Variants in NLGN1 observed in about 807,000 individuals in gnomAD.
NLGN1 encodes neuroligin 1, also known as neuroligin-1.
Under a neutral mutation model 65.5 loss-of-function variants are expected in NLGN1, and 12 were observed. The observed-to-expected ratio is 0.18, with a 90% confidence interval of 0.12 to 0.30. NLGN1 has a LOEUF of 0.30. NLGN1 is among the 10% of genes least tolerant of loss of function. The pLI is 1.00. For synonymous variants in NLGN1, 350 were observed against 359.5 expected (o/e 0.97, Z 0.30); for missense variants, 750 against 1,007.1 (o/e 0.74, Z 3.46).
At chr3:173,636,298 GA>G (rs934260996) in intron 3 of NLGN1, among the ~76,000 whole-genome samples, 172 of 145,184 alleles carry the variant, frequency 1.2e-3, no homozygotes, top group South Asian at 1.7e-3. Flanking sequence ...AAAAAGAAAG[GA>G]AAAAAAAAAG....
At chr3:173,942,528 G>T (rs1434335827) in intron 4 of NLGN1, among the ~76,000 whole-genome samples, 1 of 152,148 alleles carries the variant, frequency 6.6e-6, no homozygotes, top group African/African-American at 2.4e-5. Context: ...GCGCCAAAAA[G>T]AGTTGAAAAT....
intron 2 of NLGN1, among the ~76,000 whole-genome samples, chr3:173,485,927 G>A (rs954577773): frequency 6.6e-6 from 1 of 151,672 alleles, no homozygotes; most frequent in African/African-American, 2.4e-5. Context: ...CTTTCTTTAG[G>A]TCTTATCTTT....
rs186312179 is a variant in NLGN1, at chr3:173,800,686, G to T, written c.494-6994G>T. On this transcript the variant is annotated intron_variant, in intron 3 of 6. Transcript: ENST00000457714. ...TCTTTGAACTAACAATCTCTCCCTT[G>T]TAGTCTCTCTGTGCCCATTTTGCAT... 2.9e-3 allele frequency among the ~76,000 whole-genome samples: 437 copies of T among 150,258 alleles called. 2 individuals carry two copies. Among genetic ancestry groups the T allele is most frequent in the African/African-American group, 0.01 (417 of 40,968 alleles).
At chr3:173,896,202 T>TA (rs1352443921) in intron 4 of NLGN1, among the ~76,000 whole-genome samples, 1 of 152,198 alleles carries the variant, frequency 6.6e-6, no homozygotes, top group African/African-American at 2.4e-5. Context: ...ATGATGCTTA[T>TA]AATTGCAACA....
intron 4 of NLGN1, among the ~76,000 whole-genome samples, chr3:174,013,803 A>G (rs1726021361): frequency 6.6e-6 from 1 of 152,142 alleles, no homozygotes; most frequent in South Asian, 2.1e-4. Context: ...CGCAGCCTCA[A>G]CATGCTGGGC....
At chr3:173,431,844 T>C (rs1407077076) in intron 1 of NLGN1, among the ~76,000 whole-genome samples, 1 of 152,182 alleles carries the variant, frequency 6.6e-6, no homozygotes, top group Non-Finnish European at 1.5e-5. Flanking sequence ...ATAGTTTCAC[T>C]GCTCTAAAAA....
At chr3:173,416,628 G>A (rs1483734489) in intron 1 of NLGN1, among the ~76,000 whole-genome samples, 1 of 152,054 alleles carries the variant, frequency 6.6e-6, no homozygotes, top group African/African-American at 2.4e-5. Flanking sequence ...TAAAAGACAT[G>A]CAAAAATATA....
intron 2 of NLGN1, among the ~76,000 whole-genome samples, chr3:173,489,158 A>T (rs1168480996): frequency 6.6e-6 from 1 of 151,806 alleles, no homozygotes; most frequent in African/African-American, 2.4e-5. Context: ...ATATGTATAC[A>T]TGTGCCATGT....
exon 7 of NLGN1, chr3:174,284,052 A>C (rs1245763398): frequency 1.3e-5 from 2 of 151,372 alleles, no homozygotes; most frequent in Non-Finnish European, 3.0e-5. Flanking sequence ...TGCATTTATC[A>C]ATCTGCCTAT....
At chr3:174,030,885 G>A (rs1729883107) in intron 4 of NLGN1, among the ~76,000 whole-genome samples, 1 of 152,162 alleles carries the variant, frequency 6.6e-6, no homozygotes, top group African/African-American at 2.4e-5. Context: ...ATAATATTGG[G>A]ATGAGAAAAG....
rs115906598 is a variant in NLGN1 at position 173,422,826 on chromosome 3, G to A, written c.-389-12184G>A. Among the ~76,000 whole-genome samples, 382 of 152,286 alleles carry A rather than the reference G, an allele frequency of 2.5e-3. 2 individuals are homozygous for A. Among genetic ancestry groups the A allele is most frequent in the African/African-American group, 8.9e-3 (370 of 41,554 alleles). ...TTTTACATCAGATTTAATTTTTGCT[G>A]TTGAGTTGAGGTTGTTATAGATGCA... On this transcript the variant is annotated intron_variant, in intron 1 of 6. Coordinates refer to ENST00000457714, the Ensembl canonical transcript of NLGN1.
At chr3:173,529,644 A>G (rs1006067220) in intron 2 of NLGN1, among the ~76,000 whole-genome samples, 1 of 152,156 alleles carries the variant, frequency 6.6e-6, no homozygotes, top group Non-Finnish European at 1.5e-5. Flanking sequence ...TCTAGGCCAC[A>G]GTGCAGCTGA....
At chr3:174,243,223 G>T (rs1225491591) in intron 4 of NLGN1, among the ~76,000 whole-genome samples, 1 of 152,108 alleles carries the variant, frequency 6.6e-6, no homozygotes, top group Non-Finnish European at 1.5e-5. Flanking sequence ...TTTGCCTATT[G>T]CTTTGATAAC....
intron 2 of NLGN1, among the ~76,000 whole-genome samples, chr3:173,558,145 C>T (rs983219185): frequency 7.3e-5 from 11 of 150,640 alleles, no homozygotes; most frequent in African/African-American, 2.7e-4. Flanking sequence ...GTTGCATTGT[C>T]TTCTTACTTG....
chr3:173,633,101 T>C (rs1755990777), intron 3 of NLGN1, among the ~76,000 whole-genome samples: 1 of 152,154 alleles, frequency 6.6e-6, no homozygotes, highest in African/African-American at 2.4e-5. Flanking sequence ...TGTAGGGAAC[T>C]AGAAGTACTT....
At chr3:173,534,136 T>A (rs1241572925) in intron 2 of NLGN1, among the ~76,000 whole-genome samples, 4 of 152,214 alleles carry the variant, frequency 2.6e-5, no homozygotes, top group Non-Finnish European at 5.9e-5. Flanking sequence ...TGTAGGTTTA[T>A]TATGTGTCTA....
chr3:173,679,160 T>G (rs776230292), intron 3 of NLGN1, among the ~76,000 whole-genome samples: 1 of 151,288 alleles, frequency 6.6e-6, no homozygotes, highest in Non-Finnish European at 1.5e-5. Context: ...ACAGGGAGAT[T>G]TTAGAAATGA....
intron 4 of NLGN1, among the ~76,000 whole-genome samples, chr3:174,050,815 T>C (rs1447878444): frequency 6.6e-6 from 1 of 152,030 alleles, no homozygotes; most frequent in African/African-American, 2.4e-5. Context: ...CATTCTAGGA[T>C]TCAAAGCTAT....
intron 2 of NLGN1, among the ~76,000 whole-genome samples, chr3:173,477,875 A>G (rs545529599): frequency 2.6e-5 from 4 of 152,228 alleles, no homozygotes; most frequent in South Asian, 2.1e-4. Context: ...ACCAGTCAGA[A>G]TGGCAATTAT....
Sources: gnomAD v4.1 joint callset for allele counts (sites outside exome capture counted in the v4.1 genomes callset) on GRCh38, gnomAD v4.1.1 for gene constraint, MANE v1.5 for transcripts, NCBI Gene and HGNC (gene_info 2026-07-23, HGNC 2026-07-21) for gene names.